FLI1: variants seen among roughly 807,000 people sequenced by gnomAD.
FLI1 encodes Friend leukemia integration 1 transcription factor.
A neutral mutation model predicts 53.1 loss-of-function variants in FLI1; 13 were observed. The ratio of observed to expected loss-of-function variants is 0.24; its 90% CI spans 0.16 to 0.39. The LOEUF (loss-of-function observed/expected upper bound fraction) is 0.39. Among genes scored for constraint, FLI1 ranks in the 10% least tolerant of loss-of-function variants. The pLI, the probability that FLI1 is intolerant of heterozygous loss-of-function variation, is 1.00. For synonymous variants in FLI1, 244 were observed against 236.7 expected, an observed-to-expected ratio of 1.03 and a Z score of -0.28; for missense variants, 424 against 600.5, an observed-to-expected ratio of 0.71 and a Z score of 3.07.
intron 4 of FLI1, among the ~76,000 whole-genome samples, chr11:128,779,977 G>A (rs574992679): frequency 6.6e-6 from 1 of 152,298 alleles, no homozygotes; most frequent in South Asian, 2.1e-4. Context: ...GCAAGTATTT[G>A]TGCATCTAAC....
At chr11:128,729,410 A>T (rs1192701103) in intron 1 of FLI1, among the ~76,000 whole-genome samples, 1 of 152,262 alleles carries the variant, frequency 6.6e-6, no homozygotes, top group African/African-American at 2.4e-5. Flanking sequence ...TCTCAGGCAC[A>T]CACAGCCACA....
chr11:128,686,145 A>T (rs184507769), upstream of FLI1: 54 of 344,826 alleles, frequency 1.6e-4, no homozygotes, highest in East Asian at 4.0e-3. Context: ...TGAGGAAGTC[A>T]AGCAGGTCTG....
chr11:128,805,501 T>A, intron 6 of FLI1, 70 bp downstream of exon 6: 2 of 994,714 alleles, frequency 2.0e-6, no homozygotes, highest in Non-Finnish European at 3.1e-6. Context: ...AACAGGATCA[T>A]GAGACACAGG....
intron 1 of FLI1, among the ~76,000 whole-genome samples, chr11:128,742,540 A>T (rs1041157303): frequency 3.3e-5 from 5 of 152,254 alleles, no homozygotes; most frequent in Non-Finnish European, 5.9e-5. Flanking sequence ...CACTCATAAC[A>T]TGTGGCTTTT....
At chr11:128,705,965 G>A (rs1043777434) in intron 1 of FLI1, among the ~76,000 whole-genome samples, 5 of 152,078 alleles carry the variant, frequency 3.3e-5, no homozygotes, top group African/African-American at 1.2e-4. Flanking sequence ...ATTACCAGGG[G>A]TCGATGAGCT....
intron 1 of FLI1, among the ~76,000 whole-genome samples, chr11:128,734,331 C>T (rs926070523): frequency 6.6e-6 from 1 of 152,138 alleles, no homozygotes; most frequent in African/African-American, 2.4e-5. Context: ...TAAGCAGGAT[C>T]GAGCTGAGTA....
At chr11:128,721,286 G>T (rs1939240305) in intron 1 of FLI1, among the ~76,000 whole-genome samples, 1 of 152,148 alleles carries the variant, frequency 6.6e-6, no homozygotes, top group Non-Finnish European at 1.5e-5. Flanking sequence ...CCTGTACTTG[G>T]CACCTCCTAT....
At chr11:128,726,776 C>T (rs997698338) in intron 1 of FLI1, among the ~76,000 whole-genome samples, 13 of 152,188 alleles carry the variant, frequency 8.5e-5, no homozygotes, top group Middle Eastern at 3.4e-3. Flanking sequence ...CCAGAGGACA[C>T]GGTTGTAAAA....
intron 1 of FLI1, among the ~76,000 whole-genome samples, chr11:128,710,662 T>G (rs1308500957): frequency 6.6e-6 from 1 of 152,238 alleles, no homozygotes; most frequent in Admixed American, 6.5e-5. Context: ...AATGCAGCCT[T>G]GCAGAAAATT....
At chr11:128,780,404 T>C (rs1239908437) in intron 4 of FLI1, among the ~76,000 whole-genome samples, 1 of 152,204 alleles carries the variant, frequency 6.6e-6, no homozygotes, top group Non-Finnish European at 1.5e-5. Context: ...GAGACCAGCC[T>C]GACCAACATG....
chr11:128,763,163 G>A (rs1317412271), intron 2 of FLI1, among the ~76,000 whole-genome samples: 1 of 152,120 alleles, frequency 6.6e-6, no homozygotes, highest in Non-Finnish European at 1.5e-5. Context: ...GGTGTGCGGT[G>A]CACCTGAAGC....
At chr11:128,777,557 T>C (rs968787099) in intron 4 of FLI1, among the ~76,000 whole-genome samples, 3 of 152,218 alleles carry the variant, frequency 2.0e-5, no homozygotes, top group African/African-American at 2.4e-5. Context: ...TGGTGCAATC[T>C]TATCACTTCC....
intron 5 of FLI1, among the ~76,000 whole-genome samples, chr11:128,803,035 T>C (rs1942677240): frequency 6.6e-6 from 1 of 152,220 alleles, no homozygotes; most frequent in African/African-American, 2.4e-5. Context: ...GACTAATGAT[T>C]GAGCAGAAAA....
chr11:128,756,327 G>C (rs1158705555), intron 1 of FLI1, among the ~76,000 whole-genome samples: 1 of 152,132 alleles, frequency 6.6e-6, no homozygotes, highest in Non-Finnish European at 1.5e-5. Flanking sequence ...TCACATGGCA[G>C]CCCCTCTGTG....
At chr11:128,782,295 T>C (rs1941940463) in intron 5 of FLI1, among the ~76,000 whole-genome samples, 1 of 152,238 alleles carries the variant, frequency 6.6e-6, no homozygotes, top group African/African-American at 2.4e-5. Context: ...AAAAAATGAA[T>C]GCTGCTTACT....
At chr11:128,809,747 G>A (rs982803762) in intron 8 of FLI1, among the ~76,000 whole-genome samples, 4 of 152,136 alleles carry the variant, frequency 2.6e-5, no homozygotes, top group Admixed American at 6.5e-5. Context: ...CAAGTCCATC[G>A]AGATTGGGAG....
At chr11:128,737,145 A>C (rs1939946337) in intron 1 of FLI1, among the ~76,000 whole-genome samples, 1 of 152,190 alleles carries the variant, frequency 6.6e-6, no homozygotes, top group Admixed American at 6.5e-5. Flanking sequence ...GAGTTTGTTG[A>C]ATCCAGCTAG....
intron 1 of FLI1, among the ~76,000 whole-genome samples, chr11:128,723,962 G>A (rs917951653): frequency 1.3e-4 from 9 of 71,400 alleles, no homozygotes; most frequent in Admixed American, 1.6e-4. Context: ...TTTTTTTTGA[G>A]ACGGAGTTTC....
In FLI1 at chr11:128,801,075, C is replaced by G. The variant is rs1375448630; in HGVS notation, c.656-4291C>G. ...TCAACTGGTACACTGGTGCCGACGG[C>G]CACATTTTTACACACTGGGCCTTTG... On this transcript the variant is annotated intron_variant, in intron 5 of 8. Transcript: ENST00000527786. 2.0e-5 allele frequency among the ~76,000 whole-genome samples: 3 copies of G among 152,234 alleles called. No homozygotes were observed. The East Asian group carries it at 5.8e-4, about 29-fold the overall frequency.
Sources: gnomAD v4.1 joint callset for allele counts (sites outside exome capture counted in the v4.1 genomes callset) on GRCh38, gnomAD v4.1.1 for gene constraint, MANE v1.5 for transcripts, NCBI Gene and HGNC (gene_info 2026-07-23, HGNC 2026-07-21) for gene names.